Variants in SRRM1 observed in about 807,000 individuals in gnomAD.
SRRM1 encodes serine/arginine repetitive matrix protein 1.
SRRM1 carries 19 observed loss-of-function variants against 110.2 expected under a neutral mutation model. The observed-to-expected ratio is 0.17, with a 90% CI of 0.12 to 0.25. The LOEUF is 0.25. Among genes scored for constraint, SRRM1 ranks in the 10% least tolerant of loss-of-function variants. The pLI, the probability that SRRM1 is intolerant of heterozygous loss-of-function variation, is 1.00. For synonymous variants in SRRM1, 443 were observed against 414.9 expected, an observed-to-expected ratio of 1.07 and a Z score of -0.82; for missense variants, 918 against 1,145.8, an observed-to-expected ratio of 0.80 and a Z score of 2.87.
At chr1:24,671,999 C>T (rs1304409338) in intron 16 of SRRM1, among the ~76,000 whole-genome samples, 183 bp from the exon 17 acceptor site, 1 of 151,626 alleles carries the variant, frequency 6.6e-6, no homozygotes, top group African/African-American at 2.4e-5. Context: ...TATACATGTG[C>T]CATGTTGGTG....
chr1:24,663,229 G>C, intron 12 of SRRM1: 20 of 1,503,042 alleles, frequency 1.3e-5, no homozygotes, highest in Non-Finnish European at 1.8e-5. Context: ...TAAAAGGTTG[G>C]TTAGACACTA....
chr1:24,663,998 T>A (rs953438442), intron 12 of SRRM1, among the ~76,000 whole-genome samples: 1 of 142,370 alleles, frequency 7.0e-6, no homozygotes, highest in African/African-American at 2.6e-5. Context: ...TTTTTTTTTT[T>A]TTTTTTTTTT....
intron 1 of SRRM1, 51 bp from the exon 2 acceptor site, chr1:24,645,933 G>C (rs1351201807): frequency 6.7e-7 from 1 of 1,492,138 alleles, no homozygotes. Context: ...GTGATAAAAA[G>C]TAAGGATTTA....
At chr1:24,668,611 G>GT (rs1003942722) in intron 13 of SRRM1, among the ~76,000 whole-genome samples, 2 of 152,206 alleles carry the variant, frequency 1.3e-5, no homozygotes, top group Admixed American at 6.5e-5. Flanking sequence ...GGAGGTAGAA[G>GT]TGTCTTTAAG....
intron 8 of SRRM1, chr1:24,654,178 A>C: frequency 1.8e-6 from 1 of 564,808 alleles, no homozygotes; most frequent in East Asian, 6.8e-5. Context: ...CTTATACTGG[A>C]GTTTTGCAAA....
At chr1:24,652,029 A>AATATATATATATATATATACATATAT (rs1661037499) in intron 6 of SRRM1, among the ~76,000 whole-genome samples, 1 of 79,846 alleles carries the variant, frequency 1.3e-5, no homozygotes, top group South Asian at 5.1e-4. Context: ...CTGTACTAAA[A>AATATATATATATATATATACATATAT]ATATATATAT....
chr1:24,648,759 A>T, intron 3 of SRRM1, 100 bp from the exon 4 acceptor site: 3 of 1,050,662 alleles, frequency 2.9e-6, no homozygotes, highest in Non-Finnish European at 4.2e-6. Flanking sequence ...CCTATGGTAG[A>T]CTTAAAAAAT....
In SRRM1 at chr1:24,670,332, T is replaced by C; in HGVS notation, c.2400+17T>C. ...CCGCCAAGAGTATGTGTCTGCCTTA[T>C]TTTGGACACCCTTTTATAAATATGT... On this transcript the variant is annotated intron_variant, in intron 15 of 16. Coordinates refer to ENST00000323848, the MANE Select transcript of SRRM1 (RefSeq NM_005839.4). The C allele has an allele frequency of 6.3e-7, 1 of 1,585,982 alleles. No individual in the cohort carries two copies. The highest frequency in any genetic ancestry group is 2.3e-5 in the East Asian group (1 of 43,542).
Position 24,662,330 on chromosome 1 carries a change from C to T in SRRM1, c.1484-330C>T, listed in dbSNP as rs373106530. On this transcript the variant is annotated intron_variant, in intron 11 of 16. Coordinates refer to ENST00000323848, the MANE Select transcript of SRRM1 (RefSeq NM_005839.4). ...AGGCATGATGGTGCAGACCTGTAATCCCAGCTACTCAGGAGGCACAAGCGG... is the reference window on the plus strand; with the variant it reads ...AGGCATGATGGTGCAGACCTGTAATTCCAGCTACTCAGGAGGCACAAGCGG... Among the ~76,000 whole-genome samples the T allele has an allele frequency of 5.9e-5, 9 of 152,268 alleles. No homozygotes were observed. In the South Asian group the frequency reaches 1.9e-3, roughly 32 times the overall value.
At chr1:24,644,545 T>G (rs1033367141) in intron 1 of SRRM1, among the ~76,000 whole-genome samples, 3 of 152,230 alleles carry the variant, frequency 2.0e-5, no homozygotes, top group Non-Finnish European at 2.9e-5. Context: ...ATTGAAATCC[T>G]TCTTTAATTG....
chr1:24,649,169 T>A (rs1443449140), intron 4 of SRRM1, 140 bp downstream of exon 4: 45 of 652,952 alleles, frequency 6.9e-5, no homozygotes, highest in Middle Eastern at 4.1e-4. Context: ...CAGTTTTGGT[T>A]CACTGCTCCT....
Position 24,650,090 on chromosome 1 carries a change from T to C in SRRM1, c.521+4T>C, listed in dbSNP as rs761531101. Reference sequence around the variant, plus strand: ...AGCGGTCTCGTAGCCCAAGAAGGTATCATACAATAGATGCATAACTGATGT... The same window carrying C: ...AGCGGTCTCGTAGCCCAAGAAGGTACCATACAATAGATGCATAACTGATGT... On this transcript the variant is annotated splice_donor_region_variant and intron_variant, in intron 5 of 16. Transcript: ENST00000323848. 1 of 1,562,464 alleles carries C rather than the reference T, an allele frequency of 6.4e-7. No homozygotes were observed. The highest frequency in any genetic ancestry group is 2.0e-5 in the Admixed American group (1 of 50,208).
chr1:24,671,742 T>A, intron 16 of SRRM1, 147 bp downstream of exon 16: 2 of 656,254 alleles, frequency 3.0e-6, no homozygotes, highest in Non-Finnish European at 5.0e-6. Flanking sequence ...TTCACCCATT[T>A]AAAGTTTGTG....
At chr1:24,663,098 G>T in intron 12 of SRRM1, 2 of 1,241,870 alleles carry the variant, frequency 1.6e-6, no homozygotes, top group South Asian at 3.2e-5. Context: ...ATTTAAAAAT[G>T]TCTCCATTAA....
intron 8 of SRRM1, 112 bp from the exon 9 acceptor site, chr1:24,654,743 A>G (rs552121038): frequency 1.5e-6 from 2 of 1,328,880 alleles, no homozygotes; most frequent in Admixed American, 2.0e-5. Context: ...GCTTAGCTAC[A>G]TAAACTCAAA....
intron 8 of SRRM1, 23 bp downstream of exon 8, chr1:24,653,055 G>A: frequency 2.5e-6 from 4 of 1,605,448 alleles, no homozygotes; most frequent in Non-Finnish European, 3.4e-6. Context: ...AAATTTGGAA[G>A]TGTCAAGTGT....
chr1:24,659,279 A>G (rs184513391), intron 9 of SRRM1, among the ~76,000 whole-genome samples: 25 of 152,336 alleles, frequency 1.6e-4, no homozygotes, highest in Admixed American at 5.9e-4. Flanking sequence ...TTCTTTAGCA[A>G]AGATGCGATT....
At chr1:24,654,083 T>A (rs1662628545) in intron 8 of SRRM1, among the ~76,000 whole-genome samples, 1 of 152,234 alleles carries the variant, frequency 6.6e-6, no homozygotes, top group Non-Finnish European at 1.5e-5. Flanking sequence ...CAGTCAATTT[T>A]CAGGCATCAC....
chr1:24,649,297 T>G (rs1223071182), intron 4 of SRRM1, among the ~76,000 whole-genome samples: 1 of 152,178 alleles, frequency 6.6e-6, no homozygotes, highest in East Asian at 1.9e-4. Context: ...AATTTAACAC[T>G]GAAAGGTAAG....
Sources: allele counts gnomAD v4.1 joint callset (sites outside exome capture counted in the v4.1 genomes callset), GRCh38; gene constraint gnomAD v4.1.1; transcripts MANE v1.5; gene names NCBI Gene and HGNC (gene_info 2026-07-23, HGNC 2026-07-21).